The following CADM2 variants were observed in gnomAD, a reference collection of about 807,000 sequenced individuals.
CADM2 encodes cell adhesion molecule 2.
A neutral mutation model predicts 49.8 loss-of-function variants in CADM2; 12 were observed. That is an observed-to-expected ratio of 0.24 (90% CI 0.15 to 0.39). The LOEUF is 0.39. CADM2 is among the 10% of genes least tolerant of loss of function. The pLI is 1.00. For missense variants in CADM2, 378 were observed against 492.3 expected (o/e 0.77, Z 2.20); for synonymous variants, 214 against 175.4 (o/e 1.22, Z -1.74).
chr3:86,008,216 T>C (rs1731038350), intron 8 of CADM2, among the ~76,000 whole-genome samples: 1 of 152,186 alleles, frequency 6.6e-6, no homozygotes, highest in Non-Finnish European at 1.5e-5. Flanking sequence ...AATCTTACTT[T>C]GTAGACTGGG....
At chr3:85,305,014 T>C (rs1488080693) in intron 1 of CADM2, among the ~76,000 whole-genome samples, 1 of 151,688 alleles carries the variant, frequency 6.6e-6, no homozygotes, top group Admixed American at 6.6e-5. Flanking sequence ...ACCATAGCAA[T>C]TGACAGTTTA....
chr3:85,677,594 GATAAA>G (rs751194432), intron 1 of CADM2, among the ~76,000 whole-genome samples: 8 of 152,114 alleles, frequency 5.3e-5, no homozygotes, highest in South Asian at 2.1e-4. Context: ...AAAATATATA[GATAAA>G]ATAAAGAATT....
chr3:85,224,799 C>A (rs948713118), intron 1 of CADM2, among the ~76,000 whole-genome samples: 14 of 152,106 alleles, frequency 9.2e-5, no homozygotes, highest in Non-Finnish European at 1.8e-4. Flanking sequence ...GGAAGGGATC[C>A]AGTTTCAGCT....
At chr3:85,457,986 T>A (rs970892988) in intron 1 of CADM2, among the ~76,000 whole-genome samples, 1 of 104,146 alleles carries the variant, frequency 9.6e-6, no homozygotes, top group Non-Finnish European at 2.4e-5. Flanking sequence ...TACTCAGGAA[T>A]ACTTTTATCA....
chr3:85,079,589 G>C (rs1036678483), intron 1 of CADM2, among the ~76,000 whole-genome samples: 1 of 151,680 alleles, frequency 6.6e-6, no homozygotes, highest in South Asian at 2.1e-4. Context: ...AACCATGCTG[G>C]TATAAGAAAA....
chr3:84,996,757 A>G (rs2033199981), intron 1 of CADM2, among the ~76,000 whole-genome samples: 2 of 152,214 alleles, frequency 1.3e-5, no homozygotes, highest in South Asian at 4.1e-4. Context: ...TTAATTAGAT[A>G]ATTTACAAAA....
At chr3:85,819,248 G>C (rs1215131067) in intron 3 of CADM2, among the ~76,000 whole-genome samples, 1 of 152,124 alleles carries the variant, frequency 6.6e-6, no homozygotes, top group Non-Finnish European at 1.5e-5. Context: ...TATTGGTGCT[G>C]GCAGCGGATT....
intron 1 of CADM2, among the ~76,000 whole-genome samples, chr3:85,661,583 A>G (rs144266365): frequency 1.5e-4 from 23 of 152,104 alleles, no homozygotes; most frequent in Non-Finnish European, 2.6e-4. Flanking sequence ...TGAAATGTCC[A>G]TGTCTTTACC....
chr3:86,037,241 T>C (rs1470684111), intron 8 of CADM2, among the ~76,000 whole-genome samples: 1 of 152,202 alleles, frequency 6.6e-6, no homozygotes, highest in Admixed American at 6.5e-5. Flanking sequence ...GCCCCCATAC[T>C]TGCTACTTTT....
chr3:86,042,738 C>A (rs1391327518), intron 8 of CADM2, among the ~76,000 whole-genome samples: 1 of 152,154 alleles, frequency 6.6e-6, no homozygotes, highest in African/African-American at 2.4e-5. Context: ...ATGAGGCCAG[C>A]ATCATCCTGA....
At chr3:85,957,094 A>G (rs961918243) in intron 7 of CADM2, among the ~76,000 whole-genome samples, 3 of 151,718 alleles carry the variant, frequency 2.0e-5, no homozygotes, top group Non-Finnish European at 4.4e-5. Flanking sequence ...GCTACAAATC[A>G]TAGTTTTATT....
chr3:85,342,578 TACTA>T (rs1264394318), intron 1 of CADM2, among the ~76,000 whole-genome samples: 3 of 152,142 alleles, frequency 2.0e-5, no homozygotes, highest in East Asian at 1.9e-4. Context: ...CTTCATAAAG[TACTA>T]ACTGTTTCTC....
rs556759192 is a variant in CADM2, at chr3:85,966,707, G to C, written c.970+5060G>C. On this transcript the variant is annotated intron_variant, in intron 8 of 9. Coordinates refer to ENST00000383699, the MANE Select transcript of CADM2 (RefSeq NM_001167675.2). ...CAAGATTTGCTTATATTTCTGTCCT[G>C]CTAATAAGCTTATCACGATTTCTGA... Among the ~76,000 whole-genome samples, 39 of 151,628 alleles carry C rather than the reference G, an allele frequency of 2.6e-4. No individual in the cohort carries two copies. The South Asian group carries it at 7.9e-3, about 31-fold the overall frequency.
intron 8 of CADM2, among the ~76,000 whole-genome samples, chr3:85,988,753 A>C (rs1432143534): frequency 1.3e-5 from 2 of 152,202 alleles, no homozygotes; most frequent in African/African-American, 4.8e-5. Context: ...AGTTATAATA[A>C]ATTAAAATAC....
chr3:85,944,872 A>G (rs1722447687), intron 7 of CADM2, among the ~76,000 whole-genome samples: 1 of 152,106 alleles, frequency 6.6e-6, no homozygotes, highest in Non-Finnish European at 1.5e-5. Flanking sequence ...AAAGAACTAG[A>G]GAAGCAAGAG....
At position 85,000,114 on chromosome 3, in the gene CADM2, T is replaced by TTCTCTCTC. The variant is rs59094520; in HGVS notation, c.61+40473_61+40480dup. 1.3e-3 allele frequency among the ~76,000 whole-genome samples: 183 copies of TTCTCTCTC among 136,902 alleles called. 4 individuals are homozygous for TTCTCTCTC. Among genetic ancestry groups the TTCTCTCTC allele is most frequent in the East Asian group, 5.8e-3 (27 of 4,630 alleles). 89.8% of individuals were successfully genotyped at this position (136,902 alleles called of 152,430 possible). ...ATATAACATATAGGTTGCTTCTACT[T>TTCTCTCTC]TCTCTCTCTCTCTCTCTCTCTCTCT... On this transcript the variant is annotated intron_variant, in intron 1 of 9. Coordinates refer to ENST00000383699, the MANE Select transcript of CADM2 (RefSeq NM_001167675.2).
chr3:86,006,583 G>T (rs910891013), intron 8 of CADM2, among the ~76,000 whole-genome samples: 3 of 152,024 alleles, frequency 2.0e-5, no homozygotes, highest in African/African-American at 7.2e-5. Flanking sequence ...TTTCTATTAG[G>T]AATAAGCTGC....
intron 3 of CADM2, among the ~76,000 whole-genome samples, chr3:85,864,046 G>A (rs922125997): frequency 6.6e-6 from 1 of 152,146 alleles, no homozygotes; most frequent in African/African-American, 2.4e-5. Context: ...TAGAGACTGG[G>A]ATCTTAGGAC....
At chr3:85,586,526 T>G (rs1373100732) in intron 1 of CADM2, among the ~76,000 whole-genome samples, 2 of 152,132 alleles carry the variant, frequency 1.3e-5, no homozygotes, top group African/African-American at 2.4e-5. Flanking sequence ...TTAGAAAAGA[T>G]GATTTGTAAA....
Sources: gnomAD v4.1 joint callset for allele counts (sites outside exome capture counted in the v4.1 genomes callset) on GRCh38, gnomAD v4.1.1 for gene constraint, MANE v1.5 for transcripts, NCBI Gene and HGNC (gene_info 2026-07-23, HGNC 2026-07-21) for gene names.